CEACAM5: variants seen among roughly 807,000 people sequenced by gnomAD.
CEACAM5 encodes the protein CEA cell adhesion molecule 5.
CEACAM5 carries 52 observed loss-of-function variants against 63.0 expected under a neutral mutation model. That is an observed-to-expected ratio of 0.83 (90% confidence interval 0.66 to 1.04). CEACAM5 has a LOEUF of 1.04. Ranked by LOEUF, CEACAM5 falls within the 50% of genes least tolerant of loss-of-function variation. CEACAM5 has a pLI of 0.00. For synonymous variants in CEACAM5, 357 were observed against 351.3 expected, an observed-to-expected ratio of 1.02 and a Z score of -0.18; for missense variants, 790 against 864.8, an observed-to-expected ratio of 0.91 and a Z score of 1.08.
At chr19:41,721,230 T>C (rs2072616884) in intron 8 of CEACAM5, 54 bp downstream of exon 8, 1 of 1,590,052 alleles carries the variant, frequency 6.3e-7, no homozygotes, top group Non-Finnish European at 8.6e-7. Context: ...GTCTATCTGG[T>C]TCTCACCAAA....
chr19:41,715,370 T>A, intron 3 of CEACAM5, 121 bp downstream of exon 3: 1 of 1,438,708 alleles, frequency 7.0e-7, no homozygotes, highest in Non-Finnish European at 9.8e-7. Flanking sequence ...ACATCCAGAC[T>A]GTCTGTGACT....
At chr19:41,725,368 T>C (rs1228813531) in intron 8 of CEACAM5, among the ~76,000 whole-genome samples, 2 of 151,408 alleles carry the variant, frequency 1.3e-5, no homozygotes, top group African/African-American at 4.9e-5. Context: ...TTTTTTTTTT[T>C]CTTTTTTTTT....
Position 41,715,262 on chromosome 19 carries a change from G to A in CEACAM5, c.703+13G>A. On this transcript the variant is annotated intron_variant, in intron 3 of 9. Transcript: ENST00000221992. Reference sequence around the variant, plus strand: ...CTGAATGTCCTCTGTGAGTATATCTGCTCCTCTCTGGCCCAGGCTGCCAGC... The same window carrying A: ...CTGAATGTCCTCTGTGAGTATATCTACTCCTCTCTGGCCCAGGCTGCCAGC... 1 of 1,614,180 alleles carries A rather than the reference G, an allele frequency of 6.2e-7. No homozygotes were observed. The highest frequency in any genetic ancestry group is 8.5e-7 in the Non-Finnish European group (1 of 1,180,024).
chr19:41,719,693 AC>A (rs2072585836), intron 6 of CEACAM5, among the ~76,000 whole-genome samples: 1 of 152,154 alleles, frequency 6.6e-6, no homozygotes, highest in Admixed American at 6.5e-5. Flanking sequence ...CCACAACCCA[AC>A]GCTGCTGCCC....
chr19:41,714,492 A>G (rs2072487305), intron 2 of CEACAM5, among the ~76,000 whole-genome samples: 1 of 152,212 alleles, frequency 6.6e-6, no homozygotes, highest in African/African-American at 2.4e-5. Context: ...CAATATGTAC[A>G]GGGTTTAAGG....
At chr19:41,710,775 G>T (rs1220595390) in intron 2 of CEACAM5, among the ~76,000 whole-genome samples, 1 of 152,210 alleles carries the variant, frequency 6.6e-6, no homozygotes, top group Admixed American at 6.5e-5. Context: ...GTCCACCAGG[G>T]ATCAGGCCCA....
At chr19:41,724,154 T>C (rs1277405251) in intron 8 of CEACAM5, among the ~76,000 whole-genome samples, 7 of 152,210 alleles carry the variant, frequency 4.6e-5, no homozygotes, top group African/African-American at 1.4e-4. Flanking sequence ...GCATATATGG[T>C]ATCAGGCAAA....
intron 5 of CEACAM5, among the ~76,000 whole-genome samples, 191 bp from the exon 6 acceptor site, chr19:41,717,937 C>T (rs781904854): frequency 4.6e-5 from 7 of 152,194 alleles, no homozygotes; most frequent in Non-Finnish European, 5.9e-5. Context: ...CTGTAACACT[C>T]GGGATCCACA....
chr19:41,717,116 C>T (rs2072538626), intron 4 of CEACAM5, among the ~76,000 whole-genome samples: 1 of 152,242 alleles, frequency 6.6e-6, no homozygotes, highest in African/African-American at 2.4e-5. Context: ...CCTTCAAATT[C>T]CAGGTGAGGA....
intron 6 of CEACAM5, among the ~76,000 whole-genome samples, chr19:41,719,555 G>A (rs782382708): frequency 6.6e-6 from 1 of 152,184 alleles, no homozygotes; most frequent in African/African-American, 2.4e-5. Context: ...CCCCACGGTT[G>A]GGTGGTGTGG....
In CEACAM5 at chr19:41,730,247, C is replaced by G. The variant is rs950937519; in HGVS notation, c.*1100C>G. Reference sequence around the variant, plus strand: ...CATCCTGGCTAACACAGTGAAACCCCGTCTCTACTAAAAATACAAAAAAAG... The same window carrying G: ...CATCCTGGCTAACACAGTGAAACCCGGTCTCTACTAAAAATACAAAAAAAG... On this transcript the variant is annotated 3_prime_UTR_variant, in exon 10 of 10. Transcript: ENST00000221992. 3.9e-5 allele frequency among the ~76,000 whole-genome samples: 6 copies of G among 151,964 alleles called. No individual in the cohort carries two copies. The highest frequency in any genetic ancestry group is 5.9e-5 in the Non-Finnish European group (4 of 67,996).
intron 2 of CEACAM5, among the ~76,000 whole-genome samples, chr19:41,713,164 G>A (rs1555814326): frequency 6.6e-6 from 1 of 152,156 alleles, no homozygotes; most frequent in South Asian, 2.1e-4. Flanking sequence ...AATTAGCTGG[G>A]CGTGGTGGCA....
intron 8 of CEACAM5, among the ~76,000 whole-genome samples, chr19:41,726,966 C>T (rs574336738): frequency 6.6e-5 from 10 of 152,106 alleles, no homozygotes; most frequent in Non-Finnish European, 1.5e-4. Flanking sequence ...TCTAATGACA[C>T]GCAAAAATAG....
Position 41,730,266 on chromosome 19 carries a change from A to G in CEACAM5, c.*1119A>G, listed in dbSNP as rs926495693. Among the ~76,000 whole-genome samples, 2 of 151,978 alleles carry G rather than the reference A, an allele frequency of 1.3e-5. No individual in the cohort carries two copies. Among genetic ancestry groups the G allele is most frequent in the Non-Finnish European group, 2.9e-5 (2 of 67,976 alleles). On this transcript the variant is annotated 3_prime_UTR_variant, in exon 10 of 10. Coordinates refer to ENST00000221992, the MANE Select transcript of CEACAM5 (RefSeq NM_004363.6). ...AAACCCCGTCTCTACTAAAAATACA[A>G]AAAAAGTTAGCCGGGCGTGGTGGTG...
At chr19:41,722,022 T>C (rs1555816317) in intron 8 of CEACAM5, among the ~76,000 whole-genome samples, 2 of 152,174 alleles carry the variant, frequency 1.3e-5, no homozygotes, top group Admixed American at 6.5e-5. Context: ...AGGGTAAGAC[T>C]ATCAGCCACT....
intron 2 of CEACAM5, among the ~76,000 whole-genome samples, chr19:41,714,346 AGTC>A (rs1600459016): frequency 1.3e-5 from 2 of 152,164 alleles, no homozygotes; most frequent in East Asian, 3.8e-4. Context: ...GGCTCAAGTC[AGTC>A]ATCATCAAAC....
At chr19:41,714,546 C>G (rs2072487849) in intron 2 of CEACAM5, among the ~76,000 whole-genome samples, 1 of 152,176 alleles carries the variant, frequency 6.6e-6, no homozygotes, top group Non-Finnish European at 1.5e-5. Flanking sequence ...GATGTCCTTG[C>G]AAAGGGAAAC....
rs188657570 is a variant in CEACAM5, at chr19:41,730,103, A to G, written c.*956A>G. On this transcript the variant is annotated 3_prime_UTR_variant, in exon 10 of 10. Coordinates refer to ENST00000221992, the MANE Select transcript of CEACAM5 (RefSeq NM_004363.6). ...AGTTTAATCTGAGATTCCTTATAAAAACTTCCAGCAAAGCAACTTTAAAAA... is the reference window on the plus strand; with the variant it reads ...AGTTTAATCTGAGATTCCTTATAAAGACTTCCAGCAAAGCAACTTTAAAAA... 1.1e-3 allele frequency among the ~76,000 whole-genome samples: 169 copies of G among 152,240 alleles called. No homozygotes were observed. The highest frequency in any genetic ancestry group is 2.1e-3 in the Non-Finnish European group (145 of 68,008).
In CEACAM5 at chr19:41,715,072, T is replaced by C; in HGVS notation, c.526T>C (p.Tyr176His). ...TCEPETQDAT[Y>H]LWWVNNQSLP... The stretch of plus-strand genomic sequence containing the variant: ...TGAACCTGAGACTCAGGACGCAACC[T>C]ACCTGTGGTGGGTAAACAATCAGAG... Residue 176 changes from tyrosine (Y) to histidine (H), a missense_variant, in exon 3 of 10, where the codon TAC becomes CAC. Coordinates refer to ENST00000221992, the MANE Select transcript of CEACAM5 (RefSeq NM_004363.6). 1.9e-6 allele frequency: 3 copies of C among 1,614,192 alleles called. No individual in the cohort carries two copies.
Sources: gnomAD v4.1 joint callset for allele counts (sites outside exome capture counted in the v4.1 genomes callset) on GRCh38, gnomAD v4.1.1 for gene constraint, MANE v1.5 for transcripts, NCBI Gene and HGNC (gene_info 2026-07-23, HGNC 2026-07-21) for gene names.